Variants in LYSMD2 observed in about 807,000 individuals in gnomAD.
LYSMD2 encodes lysM and putative peptidoglycan-binding domain-containing protein 2.
In LYSMD2, 6 loss-of-function variants were observed where a neutral mutation model predicts 17.7. The ratio of observed to expected loss-of-function variants is 0.34; its 90% CI spans 0.19 to 0.67. The LOEUF (loss-of-function observed/expected upper bound fraction) is 0.67, where lower values mean the gene tolerates loss of function less well. LYSMD2 is among the 30% of genes least tolerant of loss of function. LYSMD2 has a pLI of 0.69. For synonymous variants in LYSMD2, 102 were observed against 129.8 expected (o/e 0.79, Z 1.45); for missense variants, 237 against 286.7 (o/e 0.83, Z 1.25).
At chr15:51,732,701 C>T (rs529404318) in intron 1 of LYSMD2, among the ~76,000 whole-genome samples, 1 of 152,306 alleles carries the variant, frequency 6.6e-6, no homozygotes, top group East Asian at 1.9e-4. Flanking sequence ...TGCCCAGGCC[C>T]ATCTCTAGGG....
chr15:51,723,985 G>A (rs2055519911), intron 2 of LYSMD2, among the ~76,000 whole-genome samples: 1 of 151,106 alleles, frequency 6.6e-6, no homozygotes, highest in African/African-American at 2.4e-5. Context: ...AGGATTTAAG[G>A]TACTAACAAC....
chr15:51,734,892 T>C (rs991112791), intron 1 of LYSMD2, among the ~76,000 whole-genome samples: 1 of 152,202 alleles, frequency 6.6e-6, no homozygotes, highest in African/African-American at 2.4e-5. Context: ...CTGCAGATAT[T>C]AGACCAGTGC....
chr15:51,742,132 T>G (rs1031863533), upstream of LYSMD2, among the ~76,000 whole-genome samples: 2 of 151,902 alleles, frequency 1.3e-5, no homozygotes, highest in Non-Finnish European at 2.9e-5. Context: ...CTTCCTGGGT[T>G]CAATCGATTT....
At chr15:51,745,072 T>C (rs1297753989) in intron 1 of LYSMD2, among the ~76,000 whole-genome samples, 3 of 152,116 alleles carry the variant, frequency 2.0e-5, no homozygotes, top group Admixed American at 6.5e-5. Flanking sequence ...CAAGAAGAAA[T>C]ACACAATCTG....
chr15:51,724,760 A>G, intron 2 of LYSMD2, 30 bp downstream of exon 2: 1 of 1,525,474 alleles, frequency 6.6e-7, no homozygotes, highest in Non-Finnish European at 9.0e-7. Flanking sequence ...ATTTATTTAG[A>G]CTTTGACATT....
chr15:51,724,947 C>A lies in LYSMD2; in HGVS notation c.448G>T (p.Val150Leu), dbSNP rs1403934164. Residue 150 changes from valine to leucine, a missense_variant, in exon 2 of 3, where the codon GTG (valine) becomes TTG (leucine). Coordinates refer to ENST00000267838, the MANE Select transcript of LYSMD2 (RefSeq NM_153374.3). ...DNSFSQEEEP[V>L]VAGEDLPPPS... ...GGAGGGAGGTCTTCCCCGGCCACCA[C>A]TGGCTCCTCTTCCTGAGAAAAACTG... The A allele has an allele frequency of 6.2e-7, 1 of 1,614,160 alleles. No homozygotes were observed. The highest frequency in any genetic ancestry group is 1.3e-5 in the African/African-American group (1 of 75,046).
At chr15:51,742,039 A>T (rs1456296933), upstream of LYSMD2, among the ~76,000 whole-genome samples, 2 of 146,980 alleles carry the variant, frequency 1.4e-5, no homozygotes, top group Admixed American at 6.8e-5. Context: ...CCAAAAAGAA[A>T]TTTTTTTTTT....
At chr15:51,730,712 T>G (rs1340390191) in intron 1 of LYSMD2, among the ~76,000 whole-genome samples, 1 of 152,134 alleles carries the variant, frequency 6.6e-6, no homozygotes. Context: ...TCCTCTCCAT[T>G]CCTTAAAAGA....
At chr15:51,724,724 G>T in intron 2 of LYSMD2, 66 bp downstream of exon 2, 1 of 944,492 alleles carries the variant, frequency 1.1e-6, no homozygotes, top group Non-Finnish European at 1.5e-6. Context: ...AGAAAGATTT[G>T]GCCCAGCAAG....
chr15:51,751,388 C>T (rs1453946660), exon 1 of LYSMD2: 6 of 701,868 alleles, frequency 8.5e-6, no homozygotes, highest in African/African-American at 3.5e-5. Flanking sequence ...CTCCAAAGAG[C>T]CTGCCCAGGC....
Position 51,723,597 on chromosome 15 carries a change from C to T in LYSMD2, c.*10G>A. The T allele has an allele frequency of 6.2e-7, 1 of 1,604,216 alleles. No homozygotes were observed. Among genetic ancestry groups the T allele is most frequent in the Non-Finnish European group, 8.5e-7 (1 of 1,172,346 alleles). On this transcript the variant is annotated 3_prime_UTR_variant, in exon 3 of 3. Coordinates refer to ENST00000267838, the MANE Select transcript of LYSMD2 (RefSeq NM_153374.3). ...TCTTAATTTTGGTTAGAGTTATGCC[C>T]CCAAATCACCTAACTGTGATAGAGG...
At chr15:51,726,356 A>T (rs2055540105) in intron 1 of LYSMD2, among the ~76,000 whole-genome samples, 1 of 152,146 alleles carries the variant, frequency 6.6e-6, no homozygotes, top group Non-Finnish European at 1.5e-5. Flanking sequence ...ACCTATTGCT[A>T]TTTCGCCTTT....
At chr15:51,741,755 A>C (rs890218723), upstream of LYSMD2, among the ~76,000 whole-genome samples, 1 of 151,968 alleles carries the variant, frequency 6.6e-6, no homozygotes, top group African/African-American at 2.4e-5. Flanking sequence ...CCCCATTTCT[A>C]CTAAAACTAC....
chr15:51,725,296 G>A (rs1033053881), intron 1 of LYSMD2, among the ~76,000 whole-genome samples, 175 bp from the exon 2 acceptor site: 2 of 152,202 alleles, frequency 1.3e-5, no homozygotes, highest in African/African-American at 4.8e-5. Flanking sequence ...GTTATTTCAA[G>A]AGATGTTGGA....
chr15:51,750,198 T>A (rs1477527398), intron 1 of LYSMD2, among the ~76,000 whole-genome samples: 2 of 152,232 alleles, frequency 1.3e-5, no homozygotes, highest in African/African-American at 4.8e-5. Flanking sequence ...GTGCCTCTTA[T>A]TAACTATCAT....
chr15:51,728,288 G>A (rs1427026427), intron 1 of LYSMD2, among the ~76,000 whole-genome samples: 8 of 150,710 alleles, frequency 5.3e-5, no homozygotes, highest in Admixed American at 2.0e-4. Context: ...GCGTGGTGGC[G>A]CATGTCTGTA....
In LYSMD2 at chr15:51,723,625, A is replaced by G; in HGVS notation, c.630T>C (p.Thr210=). 3.7e-6 allele frequency: 6 copies of G among 1,607,526 alleles called. No homozygotes were observed. The highest frequency in any genetic ancestry group is 5.1e-6 in the Non-Finnish European group (6 of 1,176,204). Residue 210 remains threonine (T), a synonymous_variant, in exon 3 of 3, where the codon ACT becomes ACC. Coordinates refer to ENST00000267838, the MANE Select transcript of LYSMD2 (RefSeq NM_153374.3). ...AAATCACCTAACTGTGATAGAGGGAAGTTGCATAGGGACTTTCTTCATCTC... is the reference window on the plus strand; with the variant it reads ...AAATCACCTAACTGTGATAGAGGGAGGTTGCATAGGGACTTTCTTCATCTC... ...ESRDEESPYA[T]SLYHS
At chr15:51,742,413 C>T (rs1352961671), upstream of LYSMD2, among the ~76,000 whole-genome samples, 1 of 152,178 alleles carries the variant, frequency 6.6e-6, no homozygotes, top group Non-Finnish European at 1.5e-5. Flanking sequence ...TTTGACTCTT[C>T]TAGATAGTTC....
At chr15:51,740,387 A>G (rs1185165900), upstream of LYSMD2, among the ~76,000 whole-genome samples, 2 of 152,272 alleles carry the variant, frequency 1.3e-5, no homozygotes, top group Non-Finnish European at 2.9e-5. Flanking sequence ...TACCTACAAC[A>G]TAGAAGTTCA....
Sources: gnomAD v4.1 joint callset for allele counts (sites outside exome capture counted in the v4.1 genomes callset) on GRCh38, gnomAD v4.1.1 for gene constraint, MANE v1.5 for transcripts, NCBI Gene and HGNC (gene_info 2026-07-23, HGNC 2026-07-21) for gene names.